ERG: variants seen among roughly 807,000 people sequenced by gnomAD.
ERG encodes ETS transcription factor ERG.
ERG carries 9 observed loss-of-function variants against 55.3 expected under a neutral mutation model. The ratio of observed to expected loss-of-function variants is 0.16; its 90% CI spans 0.10 to 0.28. The LOEUF (loss-of-function observed/expected upper bound fraction) is 0.28, where lower values mean the gene tolerates loss of function less well. Among genes scored for constraint, ERG ranks in the 10% least tolerant of loss-of-function variants. The pLI, the probability that ERG is intolerant of heterozygous loss-of-function variation, is 1.00. For synonymous variants in ERG, 223 were observed against 237.3 expected (o/e 0.94, Z 0.55); for missense variants, 434 against 631.6 (o/e 0.69, Z 3.35).
intron 2 of ERG, among the ~76,000 whole-genome samples, chr21:38,542,792 T>C (rs2059762343): frequency 6.6e-6 from 1 of 152,202 alleles, no homozygotes; most frequent in South Asian, 2.1e-4. Context: ...CTGTAATAGA[T>C]AGAAAAGATA....
chr21:38,578,217 T>A (rs1046131717), intron 1 of ERG, among the ~76,000 whole-genome samples: 1 of 152,126 alleles, frequency 6.6e-6, no homozygotes, highest in Non-Finnish European at 1.5e-5. Flanking sequence ...TCATGACCAA[T>A]AATAAATGGG....
intron 1 of ERG, among the ~76,000 whole-genome samples, chr21:38,577,820 G>A (rs1211537793): frequency 6.6e-6 from 1 of 152,170 alleles, no homozygotes; most frequent in Non-Finnish European, 1.5e-5. Context: ...CTCTGGACTA[G>A]TTCACTCCGC....
chr21:38,643,178 G>A (rs111720733), intron 1 of ERG, among the ~76,000 whole-genome samples: 2,363 of 152,280 alleles, frequency 0.016, 34 homozygotes, highest in Non-Finnish European at 0.026. Flanking sequence ...GCTTTCCCAC[G>A]TGGCACAATA....
At chr21:38,504,853 T>C (rs2059448618) in intron 2 of ERG, among the ~76,000 whole-genome samples, 1 of 152,246 alleles carries the variant, frequency 6.6e-6, no homozygotes, top group Non-Finnish European at 1.5e-5. Context: ...AAGAAGTGTG[T>C]CAATCTCACC....
chr21:38,401,322 T>C (rs1988479955), intron 5 of ERG, among the ~76,000 whole-genome samples: 3 of 152,220 alleles, frequency 2.0e-5, no homozygotes, highest in African/African-American at 7.2e-5. Context: ...TATCAGAAAA[T>C]GTGCATAGCT....
At chr21:38,592,944 G>A (rs148959135) in intron 1 of ERG, among the ~76,000 whole-genome samples, 81 of 152,222 alleles carry the variant, frequency 5.3e-4, no homozygotes, top group African/African-American at 1.8e-3. Flanking sequence ...TCCCCAGTGC[G>A]TCTTCCCATT....
chr21:38,376,987 G>A (rs1188635732), downstream of ERG, among the ~76,000 whole-genome samples: 1 of 152,224 alleles, frequency 6.6e-6, no homozygotes, highest in African/African-American at 2.4e-5. Context: ...TAGATAAGGG[G>A]AGGGCACTCC....
intron 1 of ERG, among the ~76,000 whole-genome samples, chr21:38,629,715 A>G (rs1387975162): frequency 6.6e-6 from 1 of 152,258 alleles, no homozygotes. Context: ...AAGATTAAAT[A>G]TAGAATTACC....
At chr21:38,598,467 A>G (rs1032816706) in intron 1 of ERG, among the ~76,000 whole-genome samples, 1 of 152,232 alleles carries the variant, frequency 6.6e-6, no homozygotes, top group Non-Finnish European at 1.5e-5. Context: ...AGGGAATAAT[A>G]TCATGAAAGA....
intron 3 of ERG, among the ~76,000 whole-genome samples, chr21:38,411,359 C>G (rs2146475558): frequency 6.6e-6 from 1 of 152,260 alleles, no homozygotes; most frequent in Non-Finnish European, 1.5e-5. Context: ...GCTCTGTCAC[C>G]TAGGCTGGAG....
At chr21:38,609,831 T>C (rs1330426931) in intron 1 of ERG, among the ~76,000 whole-genome samples, 1 of 152,234 alleles carries the variant, frequency 6.6e-6, no homozygotes, top group Admixed American at 6.5e-5. Context: ...AAATGAATCA[T>C]GCACTCTGTT....
chr21:38,498,613 C>T (rs1282683721), upstream of ERG: 3 of 789,812 alleles, frequency 3.8e-6, no homozygotes, highest in South Asian at 4.0e-5. This position sits in a 1 kb window ranked among gnomAD's most constrained non-coding sequence, Gnocchi z 4.6. Flanking sequence ...TGTTGTTTTT[C>T]TTGATGATAT....
At chr21:38,438,966 T>G (rs938625891) in intron 2 of ERG, among the ~76,000 whole-genome samples, 6 of 152,114 alleles carry the variant, frequency 3.9e-5, no homozygotes, top group African/African-American at 1.4e-4. Context: ...AGCTCCCAGG[T>G]GGAGGTGATG....
At chr21:38,615,082 A>G (rs2060250660) in intron 1 of ERG, among the ~76,000 whole-genome samples, 1 of 152,264 alleles carries the variant, frequency 6.6e-6, no homozygotes, top group Non-Finnish European at 1.5e-5. Flanking sequence ...TAACAATCTT[A>G]TTATGAAAAG....
chr21:38,464,298 C>G (rs2059069389), intron 1 of ERG, among the ~76,000 whole-genome samples: 19 of 152,040 alleles, frequency 1.2e-4, no homozygotes, highest in Admixed American at 1.2e-3. Flanking sequence ...TTCTTACTTC[C>G]AAAGCCCAGA....
intron 3 of ERG, among the ~76,000 whole-genome samples, chr21:38,421,160 C>G (rs1159225229): frequency 2.0e-5 from 3 of 152,198 alleles, no homozygotes; most frequent in African/African-American, 7.2e-5. Flanking sequence ...TTCTGAGGCA[C>G]AGCAGCAAGT....
chr21:38,382,968 A>T lies in ERG; in HGVS notation c.*435T>A. The stretch of plus-strand genomic sequence containing the variant: ...TTGATATGTTTCTATTTTTAAATAC[A>T]GGTAGTTTTCCTTAAAATGGCATTA... On this transcript the variant is annotated 3_prime_UTR_variant, in exon 10 of 10. Transcript: ENST00000288319. 4 of 1,068,970 alleles carry T rather than the reference A, an allele frequency of 3.7e-6. No individual in the cohort carries two copies. Among genetic ancestry groups the T allele is most frequent in the Non-Finnish European group, 4.5e-6 (4 of 881,716 alleles). 66.2% of individuals were successfully genotyped at this position (1,068,970 alleles called of 1,614,324 possible).
At chr21:38,541,580 C>A (rs1208246403) in intron 2 of ERG, among the ~76,000 whole-genome samples, 5 of 152,112 alleles carry the variant, frequency 3.3e-5, no homozygotes, top group Non-Finnish European at 5.9e-5. Flanking sequence ...TAAAGTCAAA[C>A]AAATAGAATT....
chr21:38,553,784 T>C (rs1460606131), intron 2 of ERG, among the ~76,000 whole-genome samples: 2 of 152,172 alleles, frequency 1.3e-5, no homozygotes, highest in Non-Finnish European at 2.9e-5. Flanking sequence ...AAAGATTTCA[T>C]GACAGACTCC....
Sources: gnomAD v4.1 joint callset for allele counts (sites outside exome capture counted in the v4.1 genomes callset) on GRCh38, gnomAD v4.1.1 for gene constraint, Gnocchi (gnomAD v3.1) non-coding constraint, MANE v1.5 for transcripts, NCBI Gene and HGNC (gene_info 2026-07-23, HGNC 2026-07-21) for gene names.